The following PRDM5 variants were observed in gnomAD, a reference collection of about 807,000 sequenced individuals.
The protein encoded by PRDM5 is PR/SET domain 5.
Under a neutral mutation model 81.2 loss-of-function variants are expected in PRDM5, and 56 were observed. That is an observed-to-expected ratio of 0.69 (90% CI 0.56 to 0.86). The LOEUF (loss-of-function observed/expected upper bound fraction) is 0.86, where lower values mean the gene tolerates loss of function less well. PRDM5 is among the 40% of genes least tolerant of loss of function. The pLI, the probability that PRDM5 is intolerant of heterozygous loss-of-function variation, is 0.00. For missense variants in PRDM5, 697 were observed against 770.1 expected (o/e 0.91, Z 1.12); for synonymous variants, 267 against 256.4 (o/e 1.04, Z -0.39).
At chr4:120,858,653 T>C (rs1760192661) in intron 2 of PRDM5, among the ~76,000 whole-genome samples, 1 of 152,132 alleles carries the variant, frequency 6.6e-6, no homozygotes, top group South Asian at 2.1e-4. Context: ...TCCGTCCCTC[T>C]GCCTCCCACC....
intron 13 of PRDM5, among the ~76,000 whole-genome samples, chr4:120,765,680 T>A (rs1275881722): frequency 6.6e-6 from 1 of 152,198 alleles, no homozygotes; most frequent in Admixed American, 6.5e-5. Context: ...AAACCAGCCC[T>A]GTTTGACAGC....
chr4:120,908,237 C>T (rs760056277), intron 1 of PRDM5, among the ~76,000 whole-genome samples: 19 of 152,192 alleles, frequency 1.2e-4, no homozygotes, highest in Non-Finnish European at 2.2e-4. Context: ...GTTCAATGGG[C>T]AAGTAACACT....
chr4:120,732,158 C>T lies in PRDM5; in HGVS notation c.1624-21745G>A, dbSNP rs573378593. On this transcript the variant is annotated intron_variant, in intron 14 of 15. Coordinates refer to ENST00000264808, the MANE Select transcript of PRDM5 (RefSeq NM_018699.4). ...GTCATCTAAAAGACTGGTAGCTGAA[C>T]ATAAAAAAGGGAGAATTTGCAGGGT... is the stretch of plus-strand genomic sequence containing the variant. Among the ~76,000 whole-genome samples, 88 of 152,070 alleles carry T rather than the reference C, an allele frequency of 5.8e-4. No homozygotes were observed. In the South Asian group the frequency reaches 0.017, roughly 30 times the overall value.
intron 1 of PRDM5, among the ~76,000 whole-genome samples, chr4:120,922,236 C>G (rs1725037659): frequency 6.6e-6 from 1 of 152,162 alleles, no homozygotes; most frequent in Non-Finnish European, 1.5e-5. Context: ...AGACATCTTG[C>G]GGCAGGGAGG....
intron 2 of PRDM5, among the ~76,000 whole-genome samples, chr4:120,903,955 C>A (rs937959108): frequency 1.6e-4 from 25 of 151,890 alleles, no homozygotes; most frequent in Admixed American, 1.2e-3. Context: ...TTTGGGAGGC[C>A]GAGGCCAGCA....
At chr4:120,850,831 G>C (rs1196797702) in intron 3 of PRDM5, among the ~76,000 whole-genome samples, 1 of 152,138 alleles carries the variant, frequency 6.6e-6, no homozygotes, top group Non-Finnish European at 1.5e-5. Flanking sequence ...AGGAAGAAAA[G>C]TACTGCGTGG....
chr4:120,764,800 G>A (rs1168500742), intron 13 of PRDM5, among the ~76,000 whole-genome samples: 1 of 152,078 alleles, frequency 6.6e-6, no homozygotes. Context: ...TCTACTCAAC[G>A]TTTCTGTTAA....
Position 120,788,327 on chromosome 4 carries a change from T to A in PRDM5, c.1189-3236A>T, listed in dbSNP as rs59072184. ...CAAAAGCAGAATGCAAAACATAATA[T>A]AAAGAATACCATTTAAGCCGCATAC... On this transcript the variant is annotated intron_variant, in intron 10 of 15. Coordinates refer to ENST00000264808, the MANE Select transcript of PRDM5 (RefSeq NM_018699.4). Among the ~76,000 whole-genome samples the A allele has an allele frequency of 7.8e-3, 1,190 of 152,258 alleles. 16 individuals are homozygous for A. Among genetic ancestry groups the A allele is most frequent in the African/African-American group, 0.027 (1,127 of 41,556 alleles).
intron 13 of PRDM5, among the ~76,000 whole-genome samples, chr4:120,771,984 TAAAATGGG>T (rs1747359711): frequency 6.6e-6 from 1 of 152,186 alleles, no homozygotes; most frequent in Non-Finnish European, 1.5e-5. Flanking sequence ...ATGTACAATG[TAAAATGGG>T]ACTTAGAGAC....
intron 2 of PRDM5, among the ~76,000 whole-genome samples, chr4:120,897,472 T>C (rs531046388): frequency 2.0e-5 from 3 of 152,310 alleles, no homozygotes; most frequent in African/African-American, 2.4e-5. Context: ...TTCAGGCTCA[T>C]ACAGCTTCCT....
intron 8 of PRDM5, among the ~76,000 whole-genome samples, chr4:120,802,002 A>G (rs1199710620): frequency 6.6e-6 from 1 of 152,220 alleles, no homozygotes; most frequent in African/African-American, 2.4e-5. Flanking sequence ...ATATAAAATT[A>G]TAAAAATTAT....
intron 2 of PRDM5, among the ~76,000 whole-genome samples, chr4:120,856,186 C>T (rs1561504766): frequency 6.6e-6 from 1 of 152,150 alleles, no homozygotes; most frequent in Non-Finnish European, 1.5e-5. Context: ...CACTTTCTCA[C>T]ACAATATTCC....
chr4:120,892,739 G>A (rs1764193322), intron 2 of PRDM5, among the ~76,000 whole-genome samples: 1 of 152,128 alleles, frequency 6.6e-6, no homozygotes, highest in Admixed American at 6.5e-5. Flanking sequence ...TTGTTTCTCA[G>A]GAAAACAGAA....
At chr4:120,711,220 C>G (rs4518271) in intron 14 of PRDM5, among the ~76,000 whole-genome samples, 1 of 152,242 alleles carries the variant, frequency 6.6e-6, no homozygotes, top group East Asian at 1.9e-4. Context: ...AGAGGAATTC[C>G]TAGAAATAAA....
intron 14 of PRDM5, among the ~76,000 whole-genome samples, chr4:120,733,644 C>A (rs1053500945): frequency 6.6e-6 from 1 of 152,180 alleles, no homozygotes; most frequent in African/African-American, 2.4e-5. Context: ...GCTTCCCACT[C>A]CCCTTCTGGG....
chr4:120,826,408 A>G (rs886500872), intron 3 of PRDM5, among the ~76,000 whole-genome samples: 4 of 152,118 alleles, frequency 2.6e-5, no homozygotes, highest in East Asian at 1.9e-4. Context: ...GGAGTTCTCT[A>G]TATCAACTGT....
chr4:120,687,327 C>A (rs372124689), downstream of PRDM5, among the ~76,000 whole-genome samples: 4 of 152,014 alleles, frequency 2.6e-5, no homozygotes, highest in East Asian at 3.9e-4. Flanking sequence ...TTGTTACATT[C>A]TATTTTCTAT....
intron 1 of PRDM5, among the ~76,000 whole-genome samples, chr4:120,919,619 T>C (rs1724640585): frequency 6.6e-6 from 1 of 152,198 alleles, no homozygotes; most frequent in South Asian, 2.1e-4. Context: ...TAGTAAGGTG[T>C]CTGCTTAACT....
intron 3 of PRDM5, among the ~76,000 whole-genome samples, chr4:120,824,226 C>T (rs1251680304): frequency 6.6e-6 from 1 of 152,212 alleles, no homozygotes; most frequent in Non-Finnish European, 1.5e-5. Flanking sequence ...TTCCTGTCGT[C>T]ATGTTACTGT....
Sources: allele counts gnomAD v4.1 joint callset (sites outside exome capture counted in the v4.1 genomes callset), GRCh38; gene constraint gnomAD v4.1.1; transcripts MANE v1.5; gene names NCBI Gene and HGNC (gene_info 2026-07-23, HGNC 2026-07-21).